The following DMD variants were observed in gnomAD, a reference collection of about 807,000 sequenced individuals.
DMD encodes dystrophin.
Under a neutral mutation model 330.1 loss-of-function variants are expected in DMD, and 63 were observed. That is an observed-to-expected ratio of 0.19 (90% CI 0.16 to 0.24). The LOEUF (loss-of-function observed/expected upper bound fraction) is 0.24, where lower values mean the gene tolerates loss of function less well. DMD is among the 10% of genes least tolerant of loss of function. The pLI, the probability that DMD is intolerant of heterozygous loss-of-function variation, is 1.00. For missense variants in DMD, 3,344 were observed against 2,684.1 expected, an observed-to-expected ratio of 1.25 and a Z score of -5.43; for synonymous variants, 1,223 against 959.8, an observed-to-expected ratio of 1.27 and a Z score of -5.07.
At chrX:32,409,292 T>C (rs886323655) in intron 30 of DMD, among the ~76,000 whole-genome samples, 2 of 111,835 alleles carry the variant, frequency 1.8e-5, no homozygotes, top group Non-Finnish European at 3.8e-5. Context: ...CTGAAATGCA[T>C]GGAAAATAGA....
At chrX:31,942,599 C>A (rs2095022033) in intron 45 of DMD, among the ~76,000 whole-genome samples, 1 of 111,410 alleles carries the variant, frequency 9.0e-6, no homozygotes, top group African/African-American at 3.3e-5. Flanking sequence ...TCCAGGTTGA[C>A]CTTTCCAATC....
intron 52 of DMD, among the ~76,000 whole-genome samples, chrX:31,681,905 C>T (rs975482969): frequency 9.0e-6 from 1 of 111,557 alleles, no homozygotes; most frequent in African/African-American, 3.3e-5. Flanking sequence ...ACCAGCCTGA[C>T]CGACATGCTG....
intron 64 of DMD, 53 bp from the exon 65 acceptor site, chrX:31,209,752 C>A: frequency 8.9e-7 from 1 of 1,118,560 alleles, no homozygotes; most frequent in Non-Finnish European, 1.2e-6. Flanking sequence ...ACCTTCCTTT[C>A]AGTGTCCTTT....
intron 1 of DMD, among the ~76,000 whole-genome samples, chrX:33,293,078 C>G (rs1434801296): frequency 9.0e-6 from 1 of 111,590 alleles, no homozygotes; most frequent in Non-Finnish European, 1.9e-5. Context: ...GATTCACTCA[C>G]TATAGGTTAT....
intron 2 of DMD, among the ~76,000 whole-genome samples, chrX:32,878,816 T>A (rs6628747): frequency 0.13 from 14,024 of 107,620 alleles, 950 homozygotes; most frequent in Admixed American, 0.34. Flanking sequence ...GAGACCAGCC[T>A]GACCGAGATG....
intron 12 of DMD, among the ~76,000 whole-genome samples, chrX:32,613,852 T>C (rs763526713): frequency 1.9e-4 from 21 of 111,408 alleles, no homozygotes; most frequent in Admixed American, 1.2e-3. Context: ...CAAAAATAAC[T>C]GAGAATGAGG....
At chrX:32,181,652 G>C (rs1454368758) in intron 44 of DMD, among the ~76,000 whole-genome samples, 1 of 111,276 alleles carries the variant, frequency 9.0e-6, no homozygotes, top group Non-Finnish European at 1.9e-5. Context: ...ATTATTTTTT[G>C]ATAACTTCAG....
At chrX:31,710,250 T>C (rs1407002424) in intron 52 of DMD, among the ~76,000 whole-genome samples, 2 of 111,696 alleles carry the variant, frequency 1.8e-5, no homozygotes, top group Non-Finnish European at 3.8e-5. Flanking sequence ...TATTAACTTA[T>C]ACTAACATAT....
chrX:33,078,709 T>TAAA (rs1569552943), intron 1 of DMD, among the ~76,000 whole-genome samples: 1 of 112,154 alleles, frequency 8.9e-6, no homozygotes, highest in Non-Finnish European at 1.9e-5. Flanking sequence ...CAAAGCAAGA[T>TAAA]AAAATGTCTG....
intron 47 of DMD, among the ~76,000 whole-genome samples, chrX:31,913,654 T>C (rs1407964100): frequency 9.0e-6 from 1 of 111,412 alleles, no homozygotes; most frequent in African/African-American, 3.3e-5. Flanking sequence ...AAGATTAATA[T>C]GACTGAGTTG....
intron 11 of DMD, among the ~76,000 whole-genome samples, chrX:32,629,563 C>T (rs1377961027): frequency 9.0e-6 from 1 of 110,720 alleles, no homozygotes; most frequent in African/African-American, 3.3e-5. Context: ...TCCCATTTTG[C>T]TATTTCCTTT....
At chrX:32,435,579 C>A (rs2098257963) in intron 29 of DMD, among the ~76,000 whole-genome samples, 4 of 110,437 alleles carry the variant, frequency 3.6e-5, no homozygotes, top group Admixed American at 2.9e-4. Context: ...AATTTTTTGC[C>A]TTTCAACATG....
intron 1 of DMD, among the ~76,000 whole-genome samples, chrX:33,086,873 T>A (rs1471111574): frequency 9.1e-6 from 1 of 109,992 alleles, no homozygotes; most frequent in Non-Finnish European, 1.9e-5. Flanking sequence ...GTCCAATATA[T>A]TTTAGCTGAC....
intron 44 of DMD, among the ~76,000 whole-genome samples, chrX:32,144,295 C>A (rs1174877673): frequency 8.9e-6 from 1 of 111,803 alleles, no homozygotes; most frequent in Non-Finnish European, 1.9e-5. Context: ...AGAACATGGA[C>A]TGATTTTTCT....
intron 5 of DMD, among the ~76,000 whole-genome samples, chrX:32,820,903 T>G (rs2078184229): frequency 8.9e-6 from 1 of 111,760 alleles, no homozygotes; most frequent in African/African-American, 3.3e-5. Flanking sequence ...CTATCTTACA[T>G]ACAATGGATT....
intron 2 of DMD, among the ~76,000 whole-genome samples, chrX:32,918,022 C>T (rs1310562526): frequency 6.4e-5 from 7 of 109,694 alleles, no homozygotes; most frequent in Non-Finnish European, 9.5e-5. Context: ...ACTTCCAGAT[C>T]AGCCTTTGGT....
chrX:32,929,558 C>T (rs2089402259), intron 2 of DMD, among the ~76,000 whole-genome samples: 2 of 111,036 alleles, frequency 1.8e-5, no homozygotes, highest in Non-Finnish European at 3.8e-5. Context: ...AGCACAGATA[C>T]TTTTCTTTTA....
intron 1 of DMD, among the ~76,000 whole-genome samples, chrX:33,115,567 A>C (rs1281116869): frequency 1.9e-5 from 2 of 107,227 alleles, no homozygotes; most frequent in African/African-American, 6.8e-5. Context: ...GCTGGAGCTC[A>C]GTGGCGTGGT....
chrX:32,795,254 G>C (rs542697613), intron 7 of DMD, among the ~76,000 whole-genome samples: 2 of 112,199 alleles, frequency 1.8e-5, no homozygotes, highest in African/African-American at 3.2e-5. Flanking sequence ...ACAGCAAGGT[G>C]TTAGAATAAA....
Sources: gnomAD v4.1 joint callset for allele counts (sites outside exome capture counted in the v4.1 genomes callset) on GRCh38, gnomAD v4.1.1 for gene constraint, MANE v1.5 for transcripts, NCBI Gene and HGNC (gene_info 2026-07-23, HGNC 2026-07-21) for gene names.